The following ZNF83 variants were observed in gnomAD, a reference collection of about 807,000 sequenced individuals.
ZNF83 encodes zinc finger protein 816B.
For missense variants in ZNF83, 552 were observed against 629.9 expected (o/e 0.88, Z 1.32); for synonymous variants, 209 against 213.0 (o/e 0.98, Z 0.17).
chr19:52,630,573 T>C (rs923040702), intron 2 of ZNF83, among the ~76,000 whole-genome samples: 2 of 152,196 alleles, frequency 1.3e-5, no homozygotes, highest in African/African-American at 4.8e-5. Flanking sequence ...CCCTGACTAT[T>C]CCTGGACTAC....
intron 2 of ZNF83, among the ~76,000 whole-genome samples, chr19:52,659,964 G>A (rs923240968): frequency 7.2e-5 from 11 of 152,038 alleles, no homozygotes; most frequent in African/African-American, 1.9e-4. Context: ...AGGCTGAGGC[G>A]GGCAGATCAT....
Position 52,635,078 on chromosome 19 carries a change from C to G in ZNF83, c.-246G>C. The G allele has an allele frequency of 1.4e-6, 1 of 724,346 alleles. No homozygotes were observed. The highest frequency in any genetic ancestry group is 2.5e-6 in the Non-Finnish European group (1 of 397,368). 44.9% of individuals were successfully genotyped at this position (724,346 alleles called of 1,614,324 possible). On this transcript the variant is annotated 5_prime_UTR_variant, in exon 2 of 3. It removes an upstream start codon present in the reference 5' UTR. Transcript: ENST00000301096. The stretch of plus-strand genomic sequence containing the variant: ...AATATCATCTCACCTGAGGAAGAAC[C>G]ATTCCTGACGCCTTTGCTTTCCTCT...
At chr19:52,682,870 C>G (rs2061945380) in intron 1 of ZNF83, among the ~76,000 whole-genome samples, 1 of 152,020 alleles carries the variant, frequency 6.6e-6, no homozygotes, top group Non-Finnish European at 1.5e-5. Flanking sequence ...CCTTCTCTCT[C>G]TGTCTCTCTT....
At chr19:52,621,167 AT>A (rs1415077517) in intron 2 of ZNF83, among the ~76,000 whole-genome samples, 1 of 152,122 alleles carries the variant, frequency 6.6e-6, no homozygotes, top group African/African-American at 2.4e-5. Flanking sequence ...CCCTGTCCTG[AT>A]CTCCATGAGG....
intron 2 of ZNF83, among the ~76,000 whole-genome samples, chr19:52,626,860 T>TTTTA (rs1329970535): frequency 6.6e-6 from 1 of 152,128 alleles, no homozygotes; most frequent in Non-Finnish European, 1.5e-5. Context: ...CACTATTTTG[T>TTTTA]TTTATTTTTC....
At chr19:52,676,127 C>T (rs56100325) in intron 1 of ZNF83, among the ~76,000 whole-genome samples, 39,894 of 151,966 alleles carry the variant, frequency 0.26, 5,590 homozygotes, top group East Asian at 0.53. Flanking sequence ...ATTGCAGGCG[C>T]GCGCCGCCAC....
intron 2 of ZNF83, among the ~76,000 whole-genome samples, chr19:52,624,588 T>C (rs2060666690): frequency 6.6e-6 from 1 of 152,168 alleles, no homozygotes; most frequent in South Asian, 2.1e-4. Context: ...TGGAGACTGC[T>C]CCCACACTAG....
At chr19:52,621,836 A>T (rs904490549) in intron 2 of ZNF83, among the ~76,000 whole-genome samples, 30 of 152,118 alleles carry the variant, frequency 2.0e-4, no homozygotes, top group Non-Finnish European at 4.0e-4. Flanking sequence ...ATCCTACAAG[A>T]CCTAAATAAT....
chr19:52,662,997 T>G (rs2061599535), intron 1 of ZNF83, among the ~76,000 whole-genome samples: 1 of 152,038 alleles, frequency 6.6e-6, no homozygotes, highest in South Asian at 2.1e-4. Flanking sequence ...ATCCCGTCTC[T>G]ATGAAAAGTA....
intron 1 of ZNF83, among the ~76,000 whole-genome samples, chr19:52,663,221 C>G (rs1343923144): frequency 2.6e-5 from 4 of 152,140 alleles, no homozygotes; most frequent in African/African-American, 9.7e-5. Flanking sequence ...AAAGAAATGT[C>G]TCTTTCAATG....
chr19:52,685,412 A>C (rs1425008088), intron 1 of ZNF83, among the ~76,000 whole-genome samples: 1 of 152,158 alleles, frequency 6.6e-6, no homozygotes, highest in Non-Finnish European at 1.5e-5. Flanking sequence ...GCATCTTTCA[A>C]ATACCTGGGC....
intron 1 of ZNF83, among the ~76,000 whole-genome samples, chr19:52,683,977 C>T (rs12973534): frequency 0.14 from 20,948 of 152,146 alleles, 1,516 homozygotes; most frequent in African/African-American, 0.16. Flanking sequence ...CTCCCGTCTG[C>T]AATTCCAGTA....
chr19:52,649,893 C>CA lies in ZNF83; in HGVS notation c.-74+5667dup, dbSNP rs746243460. On this transcript the variant is annotated intron_variant, in intron 3 of 5. Transcript: ENST00000594682. ...AAGGAGGGATGAAGAAAAACCAAAG[C>CA]AAAAAGAAAAATTTTCTGACAGAAT... 5.3e-5 allele frequency among the ~76,000 whole-genome samples: 8 copies of CA among 152,096 alleles called. No individual in the cohort carries two copies. In the East Asian group the frequency reaches 9.7e-4, roughly 18 times the overall value.
intron 2 of ZNF83, among the ~76,000 whole-genome samples, chr19:52,626,019 G>A (rs372942302): frequency 8.9e-4 from 136 of 152,158 alleles, no homozygotes; most frequent in African/African-American, 3.2e-3. Context: ...CCTGCTAATC[G>A]GACAGGGACA....
intron 1 of ZNF83, among the ~76,000 whole-genome samples, chr19:52,666,023 G>A (rs2061645924): frequency 6.6e-6 from 1 of 151,934 alleles, no homozygotes; most frequent in Non-Finnish European, 1.5e-5. Flanking sequence ...AATTAGCCGG[G>A]CATGGTGATG....
At chr19:52,653,802 A>G (rs943564637) in intron 3 of ZNF83, among the ~76,000 whole-genome samples, 1 of 152,244 alleles carries the variant, frequency 6.6e-6, no homozygotes, top group Non-Finnish European at 1.5e-5. Flanking sequence ...ACACTTTGCC[A>G]CATACATCAC....
rs1350614102 is a variant in ZNF83, at chr19:52,613,513, C to T, written c.1052G>A (p.Gly351Asp). Reference sequence around the variant, plus strand: ...GTATGAATTGCGACTGAAGACCTTGCCACATTCATTACATTTGTAAGGTTT... The same window carrying T: ...GTATGAATTGCGACTGAAGACCTTGTCACATTCATTACATTTGTAAGGTTT... The change falls in exon 3 of 3, where the codon GGC becomes GAC. Residue 351 changes from glycine to aspartate, a missense_variant. By Grantham distance (94) the Gly-to-Asp change is moderately conservative. Coordinates refer to ENST00000301096, the Ensembl canonical transcript of ZNF83. 6 of 1,614,004 alleles carry T rather than the reference C, an allele frequency of 3.7e-6. No homozygotes were observed. The Admixed American group carries it at 6.7e-5, about 18-fold the overall frequency.
chr19:52,660,534 C>G (rs1568569740), intron 2 of ZNF83, among the ~76,000 whole-genome samples: 2 of 152,076 alleles, frequency 1.3e-5, no homozygotes, highest in Non-Finnish European at 2.9e-5. Context: ...ATGAGAATCT[C>G]TTGACCCTGG....
chr19:52,671,908 G>A (rs1014116309), intron 1 of ZNF83, among the ~76,000 whole-genome samples: 9 of 152,076 alleles, frequency 5.9e-5, no homozygotes, highest in East Asian at 1.9e-4. Context: ...AAGTTATTCC[G>A]TTTTACTTGG....
Sources: allele counts gnomAD v4.1 joint callset (sites outside exome capture counted in the v4.1 genomes callset), GRCh38; gene constraint gnomAD v4.1.1; transcripts MANE v1.5; gene names NCBI Gene and HGNC (gene_info 2026-07-23, HGNC 2026-07-21).